The following RYR3 variants were observed in gnomAD, a reference collection of about 807,000 sequenced individuals.
RYR3 encodes the protein brain ryanodine receptor-calcium release channel.
A neutral mutation model predicts 584.3 loss-of-function variants in RYR3; 207 were observed. That is an observed-to-expected ratio of 0.35 (90% CI 0.32 to 0.40). The LOEUF (loss-of-function observed/expected upper bound fraction) is 0.40. RYR3 is among the 10% of genes least tolerant of loss of function. RYR3 has a pLI of 1.00. For synonymous variants in RYR3, 2,416 were observed against 2,248.5 expected (o/e 1.07, Z -2.11); for missense variants, 5,616 against 6,089.2 (o/e 0.92, Z 2.59).
intron 1 of RYR3, among the ~76,000 whole-genome samples, chr15:33,450,870 C>G (rs912875079): frequency 6.6e-6 from 1 of 152,156 alleles, no homozygotes; most frequent in Non-Finnish European, 1.5e-5. Flanking sequence ...CAAGGTAGGA[C>G]GCATGTTTGG....
At chr15:33,367,336 T>A (rs1452196586) in intron 1 of RYR3, among the ~76,000 whole-genome samples, 1 of 152,246 alleles carries the variant, frequency 6.6e-6, no homozygotes, top group African/African-American at 2.4e-5. Flanking sequence ...CTTCCTTTTT[T>A]TCCTTTCTGC....
chr15:33,727,221 A>G (rs1021862718), intron 46 of RYR3, among the ~76,000 whole-genome samples: 4 of 152,188 alleles, frequency 2.6e-5, no homozygotes, highest in Non-Finnish European at 4.4e-5. Context: ...TACCTGTGAC[A>G]TTTGACATCA....
At chr15:33,477,136 C>G (rs982503608) in intron 2 of RYR3, among the ~76,000 whole-genome samples, 2 of 152,130 alleles carry the variant, frequency 1.3e-5, no homozygotes, top group African/African-American at 4.8e-5. Context: ...GCACAGACAT[C>G]AAATATCCTT....
rs1256300670 is a variant in RYR3 at position 33,390,534 on chromosome 15, C to T, written c.51+79438C>T. On this transcript the variant is annotated intron_variant, in intron 1 of 103. Coordinates refer to ENST00000634891, the MANE Select transcript of RYR3 (RefSeq NM_001036.6). The surrounding 1 kb of genome is among the most constrained non-coding windows in gnomAD (Gnocchi z 4.2). ...GACGCATTTGTTTTCACGACTTCTT[C>T]TTCAGGGGGTGATAGGTGTGGAGAG... 6.6e-6 allele frequency among the ~76,000 whole-genome samples: 1 copy of T among 152,090 alleles called. No homozygotes were observed. Among genetic ancestry groups the T allele is most frequent in the Non-Finnish European group, 1.5e-5 (1 of 68,026 alleles).
At position 33,634,600 on chromosome 15, in the gene RYR3, A is replaced by T; in HGVS notation, c.3042A>T (p.Lys1014Asn). Residue 1014 changes from lysine to asparagine, a missense_variant, in exon 25 of 104, where the codon AAA becomes AAT. Physicochemically the swap from Lys to Asn is moderately conservative, Grantham distance 94 (BLOSUM62 0). Transcript: ENST00000634891. ...TYGIQQDLKN[K>N]RNPRLVPYAL... ...GCGTCACATAGGATTTGAAGAACAA[A>T]AGAAATCCCCGTCTGGTGCCATATG... 6.2e-7 allele frequency: 1 copy of T among 1,613,950 alleles called. No homozygotes were observed. Among genetic ancestry groups the T allele is most frequent in the Non-Finnish European group, 8.5e-7 (1 of 1,179,870 alleles).
rs2062110953 is a variant in RYR3, at chr15:33,646,498, T to C, written c.3913T>C (p.Cys1305Arg). Reference sequence around the variant, plus strand: ...CCACTCCTCCTTCAGCCACAGCCCCTGTCTGGACAGTGAAGCTTTCCAGAA... The same window carrying C: ...CCACTCCTCCTTCAGCCACAGCCCCCGTCTGGACAGTGAAGCTTTCCAGAA... ...ECHSSFSHSPCLDSEAFQKRK... is the reference protein window; with the variant it reads ...ECHSSFSHSPRLDSEAFQKRK... Residue 1305 changes from cysteine (C) to arginine (R), a missense_variant, in exon 29 of 104, where the codon TGT (cysteine) becomes CGT (arginine). Around this residue, in one of 9 missense-constraint regions of RYR3, gnomAD observed 753 missense variants for 741.0 expected, o/e 1.02. Coordinates refer to ENST00000634891, the MANE Select transcript of RYR3 (RefSeq NM_001036.6). 2.5e-6 allele frequency: 4 copies of C among 1,613,100 alleles called. No homozygotes were observed. Among genetic ancestry groups the C allele is most frequent in the Non-Finnish European group, 3.4e-6 (4 of 1,179,392 alleles).
In RYR3 at chr15:33,647,449, C is replaced by T. The variant is rs2062165749; in HGVS notation, c.3967C>T (p.His1323Tyr). ...KRKQMQEILS[H>Y]TTTQCYYAIR... ...GAAACAGATGCAAGAAATACTCTCT[C>T]ATACAACAACAGTAAGTAAATGTGC... Residue 1323 changes from histidine (H) to tyrosine (Y), a missense_variant, in exon 30 of 104, where the codon CAT (histidine) becomes TAT (tyrosine). By Grantham distance (83) the His-to-Tyr change is moderately conservative (BLOSUM62 2). Transcript: ENST00000634891. The T allele has an allele frequency of 6.2e-7, 1 of 1,605,310 alleles. No individual in the cohort carries two copies. The highest frequency in any genetic ancestry group is 8.5e-7 in the Non-Finnish European group (1 of 1,172,196).
Position 33,659,797 on chromosome 15 carries a change from A to G in RYR3, c.4386A>G (p.Gly1462=), listed in dbSNP as rs2063038536. 1 of 1,606,614 alleles carries G rather than the reference A, an allele frequency of 6.2e-7. No individual in the cohort carries two copies. Among genetic ancestry groups the G allele is most frequent in the African/African-American group, 1.3e-5 (1 of 74,906 alleles). The change falls in exon 33 of 104, where the codon GGA becomes GGG. Residue 1462 remains glycine, a synonymous_variant. Transcript: ENST00000634891. Reference sequence around the variant, plus strand: ...CTTCTTTGTTTCAGTTTGAACTTGGAAAGCTGAAGGTATTTATTTGTCCTC... The same window carrying G: ...CTTCTTTGTTTCAGTTTGAACTTGGGAAGCTGAAGGTATTTATTTGTCCTC... ...TSTSLFQFEL[G]KLKNAMPLSA...
intron 3 of RYR3, among the ~76,000 whole-genome samples, chr15:33,514,257 A>G (rs1224970561): frequency 6.6e-6 from 1 of 152,158 alleles, no homozygotes; most frequent in Non-Finnish European, 1.5e-5. Context: ...CACTGATAAG[A>G]ATCACCTGGT....
rs544441629 is a variant in RYR3 at position 33,546,174 on chromosome 15, C to G, written c.741-1956C>G. On this transcript the variant is annotated intron_variant, in intron 8 of 103. Coordinates refer to ENST00000634891, the MANE Select transcript of RYR3 (RefSeq NM_001036.6). ...GCCCAAATGTCACAGGTGGGAAGAACAAACCTTCACAAATCCTTCAGATGT... is the reference window on the plus strand; with the variant it reads ...GCCCAAATGTCACAGGTGGGAAGAAGAAACCTTCACAAATCCTTCAGATGT... Among the ~76,000 whole-genome samples, 9 of 152,246 alleles carry G rather than the reference C, an allele frequency of 5.9e-5. No individual in the cohort carries two copies. In the East Asian group the frequency reaches 1.4e-3, roughly 23 times the overall value.
In RYR3 at chr15:33,657,277, G is replaced by A. The variant is rs574849820; in HGVS notation, c.4309-2443G>A. Reference sequence around the variant, plus strand: ...CCCTGGAGTTTGGGCAGTTTATGAAGTTTTCAGGAACCAGTCCTGAGGGAC... The same window carrying A: ...CCCTGGAGTTTGGGCAGTTTATGAAATTTTCAGGAACCAGTCCTGAGGGAC... On this transcript the variant is annotated intron_variant, in intron 32 of 103. Transcript: ENST00000634891. 1.4e-4 allele frequency among the ~76,000 whole-genome samples: 22 copies of A among 152,314 alleles called. No individual in the cohort carries two copies. The South Asian group carries it at 3.1e-3, about 22-fold the overall frequency.
chr15:33,638,593 C>T (rs2061628511), intron 27 of RYR3, among the ~76,000 whole-genome samples: 1 of 152,140 alleles, frequency 6.6e-6, no homozygotes, highest in East Asian at 1.9e-4. Flanking sequence ...TCAGCCCCAC[C>T]CCAGACCAGA....
intron 16 of RYR3, among the ~76,000 whole-genome samples, chr15:33,595,787 A>C (rs1052490375): frequency 6.6e-6 from 1 of 152,196 alleles, no homozygotes; most frequent in Non-Finnish European, 1.5e-5. Context: ...ACATACAGGA[A>C]GATACATGGA....
In RYR3 at chr15:33,797,854, G is replaced by A. The variant is rs959859101; in HGVS notation, c.9831-2916G>A. Among the ~76,000 whole-genome samples, 14 of 152,170 alleles carry A rather than the reference G, an allele frequency of 9.2e-5. 1 individual carries two copies. Among genetic ancestry groups the A allele is most frequent in the Admixed American group, 4.6e-4 (7 of 15,286 alleles). On this transcript the variant is annotated intron_variant, in intron 67 of 103. Coordinates refer to ENST00000634891, the MANE Select transcript of RYR3 (RefSeq NM_001036.6). ...TAAGGAATGAACAGCTGGTAGTTGTGATAAAATTTGACATTTGACCCTGAA... is the reference window on the plus strand; with the variant it reads ...TAAGGAATGAACAGCTGGTAGTTGTAATAAAATTTGACATTTGACCCTGAA...
chr15:33,401,959 A>G (rs1215101315), intron 1 of RYR3, among the ~76,000 whole-genome samples: 2 of 152,202 alleles, frequency 1.3e-5, no homozygotes, highest in African/African-American at 2.4e-5. Context: ...GGCTTTTTGT[A>G]AAGATAATAT....
chr15:33,410,893 G>A (rs1184555105), intron 1 of RYR3, among the ~76,000 whole-genome samples: 1 of 152,202 alleles, frequency 6.6e-6, no homozygotes, highest in Non-Finnish European at 1.5e-5. Flanking sequence ...GAGAAGCAAA[G>A]GCACATCTTA....
In RYR3 at chr15:33,412,993, C is replaced by T. The variant is rs1305771186; in HGVS notation, c.52-60426C>T. Among the ~76,000 whole-genome samples, 1 of 152,206 alleles carries T rather than the reference C, an allele frequency of 6.6e-6. No homozygotes were observed. The highest frequency in any genetic ancestry group is 2.4e-5 in the African/African-American group (1 of 41,446). On this transcript the variant is annotated intron_variant, in intron 1 of 103. Coordinates refer to ENST00000634891, the MANE Select transcript of RYR3 (RefSeq NM_001036.6). This position sits in a 1 kb window ranked among gnomAD's most constrained non-coding sequence, Gnocchi z 4.3. Reference sequence around the variant, plus strand: ...TGAGAATGAGAAATGGTCTACCCATCTCTGGGTCTGAAAGACAACTGTACC... The same window carrying T: ...TGAGAATGAGAAATGGTCTACCCATTTCTGGGTCTGAAAGACAACTGTACC...
chr15:33,323,197 C>T lies in RYR3; in HGVS notation c.51+12101C>T, dbSNP rs536228323. 1.5e-3 allele frequency among the ~76,000 whole-genome samples: 230 copies of T among 152,150 alleles called. 1 individual carries two copies. The highest frequency in any genetic ancestry group is 3.4e-3 in the African/African-American group (143 of 41,522). ...CACGATCTCTGCTCACTGCAAGCTC[C>T]GCCTCCCAGGTTCACGCCATCCTCC... is the stretch of plus-strand genomic sequence containing the variant. On this transcript the variant is annotated intron_variant, in intron 1 of 103. Transcript: ENST00000634891.
intron 32 of RYR3, 42 bp downstream of exon 32, chr15:33,652,925 C>T: frequency 6.4e-7 from 1 of 1,564,278 alleles, no homozygotes; most frequent in Non-Finnish European, 8.7e-7. Context: ...TATCCCAGGC[C>T]TGGTGTTTAT....
Sources: gnomAD v4.1 joint callset for allele counts (sites outside exome capture counted in the v4.1 genomes callset) on GRCh38, gnomAD v4.1.1 for gene constraint, gnomAD v4.1.1 regional missense constraint, Gnocchi (gnomAD v3.1) non-coding constraint, MANE v1.5 for transcripts, NCBI Gene and HGNC (gene_info 2026-07-23, HGNC 2026-07-21) for gene names.